The following FRS3 variants were observed in gnomAD, a reference collection of about 807,000 sequenced individuals.
FRS3 encodes the protein FGFR substrate 3.
Under a neutral mutation model 41.9 loss-of-function variants are expected in FRS3, and 17 were observed. The ratio of observed to expected loss-of-function variants is 0.41; its 90% CI spans 0.28 to 0.61. The LOEUF (loss-of-function observed/expected upper bound fraction) is 0.61. Ranked by LOEUF, FRS3 falls within the 20% of genes least tolerant of loss-of-function variation. The pLI, the probability that FRS3 is intolerant of heterozygous loss-of-function variation, is 0.36. For missense variants in FRS3, 619 were observed against 672.1 expected (o/e 0.92, Z 0.87); for synonymous variants, 287 against 274.5 (o/e 1.05, Z -0.45).
At chr6:41,776,812 T>A in intron 3 of FRS3, 110 bp downstream of exon 3, 1 of 926,702 alleles carries the variant, frequency 1.1e-6, no homozygotes, top group Non-Finnish European at 1.8e-6. Flanking sequence ...GCCCACAACC[T>A]CAGCCTGGCA....
intron 2 of FRS3, 127 bp from the exon 3 acceptor site, chr6:41,777,137 C>G: frequency 1.5e-6 from 1 of 657,980 alleles, no homozygotes; most frequent in South Asian, 1.7e-5. Flanking sequence ...TGATACAGAC[C>G]CCCCCTCAAA....
rs1196646237 is a variant in FRS3 at position 41,770,317 on chromosome 6, G to T, written c.*302C>A. The T allele has an allele frequency of 2.6e-6, 1 of 386,034 alleles. No homozygotes were observed. The highest frequency in any genetic ancestry group is 4.6e-6 in the Non-Finnish European group (1 of 215,458). 23.9% of individuals were successfully genotyped at this position (386,034 alleles called of 1,614,324 possible). ...CCAAAAAAAACACACACGGACAGTCGGCAGACAAGACAAATGGACAGAACG... is the reference window on the plus strand; with the variant it reads ...CCAAAAAAAACACACACGGACAGTCTGCAGACAAGACAAATGGACAGAACG... On this transcript the variant is annotated 3_prime_UTR_variant, in exon 7 of 7. Coordinates refer to ENST00000373018, the MANE Select transcript of FRS3 (RefSeq NM_006653.5).
Position 41,775,534 on chromosome 6 carries a change from C to G in FRS3, c.138G>C (p.Val46=). Residue 46 remains valine, a synonymous_variant, in exon 4 of 7, where the codon GTG becomes GTC. Transcript: ENST00000373018. ...CGGCCTCACGCCGATGCAGGTGCAG[C>G]ACCAGCTCACTCTGCGTCAGCTCCA... ...GVMELTQSEL[V]LHLHRREAVR... is the part of the protein sequence containing the mutation. 1.2e-6 allele frequency: 2 copies of G among 1,614,132 alleles called. No individual in the cohort carries two copies. Among genetic ancestry groups the G allele is most frequent in the East Asian group, 4.5e-5 (2 of 44,884 alleles).
chr6:41,773,697 CCT>C (rs1236724274), intron 4 of FRS3, among the ~76,000 whole-genome samples: 4 of 151,080 alleles, frequency 2.6e-5, no homozygotes, highest in Non-Finnish European at 5.9e-5. Context: ...ATGGTGAAAC[CCT>C]GTCTCTACTA....
At chr6:41,777,657 G>A (rs1003137849) in intron 2 of FRS3, 2 of 152,108 alleles carry the variant, frequency 1.3e-5, no homozygotes, top group East Asian at 3.8e-4. Context: ...ACCTCAAGTG[G>A]ATATTTCTTC....
chr6:41,771,261 A>C lies in FRS3; in HGVS notation c.837T>G (p.Cys279Trp). Residue 279 changes from cysteine to tryptophan, a missense_variant, in exon 7 of 7, where the codon TGT becomes TGG. Transcript: ENST00000373018. The stretch of plus-strand genomic sequence containing the variant: ...CGTAGGTGCACTTGGGCTGGGCTGG[A>C]CACTCAGAAGGGGCCTCATTGTTAT... ...HNNNNEAPSECPAQPKCTYEN... is the reference protein window; with the variant it reads ...HNNNNEAPSEWPAQPKCTYEN... The C allele has an allele frequency of 6.2e-7, 1 of 1,607,990 alleles. No homozygotes were observed. The highest frequency in any genetic ancestry group is 8.5e-7 in the Non-Finnish European group (1 of 1,175,956).
intron 4 of FRS3, among the ~76,000 whole-genome samples, chr6:41,774,303 C>T (rs1460507914): frequency 6.6e-6 from 1 of 152,016 alleles, no homozygotes; most frequent in Non-Finnish European, 1.5e-5. Context: ...TGCCTAACAC[C>T]CCCTGCTTCC....
intron 4 of FRS3, among the ~76,000 whole-genome samples, chr6:41,774,867 G>C (rs979312034): frequency 1.3e-5 from 2 of 152,204 alleles, no homozygotes; most frequent in Non-Finnish European, 2.9e-5. Flanking sequence ...GGAAAGACTG[G>C]AGTTGTAGAG....
intron 3 of FRS3, 111 bp from the exon 4 acceptor site, chr6:41,775,716 G>A (rs1333353955): frequency 1.3e-6 from 1 of 784,662 alleles, no homozygotes; most frequent in Non-Finnish European, 2.2e-6. Context: ...GGAACCAAAG[G>A]TCACATCCGA....
Position 41,771,907 on chromosome 6 carries a change from A to T in FRS3, c.473T>A (p.Phe158Tyr), listed in dbSNP as rs1461624408. Residue 158 changes from phenylalanine (F) to tyrosine (Y), a missense_variant, in exon 6 of 7, where the codon TTC (phenylalanine) becomes TAC (tyrosine). Around this residue, in one of 3 missense-constraint regions of FRS3, gnomAD observed 487 missense variants for 478.3 expected, o/e 1.02. Coordinates refer to ENST00000373018, the MANE Select transcript of FRS3 (RefSeq NM_006653.5). ...TGTCGAGAGCCGCCGGGGAGCTGAG[A>T]ATCGTGGGCCCTCTCCAGGGCAGCC... is the stretch of plus-strand genomic sequence containing the variant. Reference protein sequence around the residue: ...SNGCPGEGPRFSAPRRLSTSS... With the variant: ...SNGCPGEGPRYSAPRRLSTSS... 6.4e-7 allele frequency: 1 copy of T among 1,557,846 alleles called. No homozygotes were observed. Among genetic ancestry groups the T allele is most frequent in the Admixed American group, 1.9e-5 (1 of 51,696 alleles).
Position 41,771,843 on chromosome 6 carries a change from G to C in FRS3, c.537C>G (p.Thr179=), listed in dbSNP as rs1318291456. Residue 179 remains threonine (T), a synonymous_variant, in exon 6 of 7, where the codon ACC becomes ACG. Transcript: ENST00000373018. ...LRHPSLGEES[T]HALIAPDEQS... ...GCTCATCAGGAGCAATGAGGGCATGGGTGGACTCTTCCCCAAGCGAGGGGT... is the reference window on the plus strand; with the variant it reads ...GCTCATCAGGAGCAATGAGGGCATGCGTGGACTCTTCCCCAAGCGAGGGGT... 1.3e-6 allele frequency: 2 copies of C among 1,552,494 alleles called. No homozygotes were observed. Among genetic ancestry groups the C allele is most frequent in the African/African-American group, 1.4e-5 (1 of 73,170 alleles).
chr6:41,776,735 C>T (rs2127300904), intron 3 of FRS3, 187 bp downstream of exon 3: 1 of 577,532 alleles, frequency 1.7e-6, no homozygotes, highest in South Asian at 2.3e-5. Flanking sequence ...GCCATGAAAA[C>T]AGCAGTGGTC....
At chr6:41,771,998 A>C in intron 5 of FRS3, 34 bp from the exon 6 acceptor site, 3 of 1,487,466 alleles carry the variant, frequency 2.0e-6, no homozygotes, top group Non-Finnish European at 2.7e-6. Flanking sequence ...AGGAGAGGGG[A>C]ACTTAAGCCA....
intron 4 of FRS3, among the ~76,000 whole-genome samples, chr6:41,773,843 G>A (rs1248149026): frequency 6.6e-6 from 1 of 151,676 alleles, no homozygotes; most frequent in Non-Finnish European, 1.5e-5. Context: ...CTGCACTTCA[G>A]CCTGGGTGAC....
intron 5 of FRS3, among the ~76,000 whole-genome samples, chr6:41,772,505 C>CA (rs1483826320): frequency 6.6e-6 from 1 of 152,028 alleles, no homozygotes; most frequent in African/African-American, 2.4e-5. Context: ...AGGAAGAAAG[C>CA]AAAAAAACTC....
Position 41,774,679 on chromosome 6 carries a change from A to G in FRS3, c.253+740T>C, listed in dbSNP as rs150097768. Among the ~76,000 whole-genome samples the G allele has an allele frequency of 2.3e-3, 353 of 152,268 alleles. 2 individuals are homozygous for G. The highest frequency in any genetic ancestry group is 8.2e-3 in the African/African-American group (340 of 41,554). ...CTGGGCCAGCATGGACTCCTCTGTA[A>G]CAGGGGGACCTGGGACCTAGGGGAG... On this transcript the variant is annotated intron_variant, in intron 4 of 6. Coordinates refer to ENST00000373018, the MANE Select transcript of FRS3 (RefSeq NM_006653.5).
rs538712900 is a variant in FRS3, at chr6:41,776,907, G to A, written c.66+15C>T. ...GCCATGTTGGGAACACAGGAGAGGAGAGGGCTCTGGGTACCTTGAACTTGG... is the reference window on the plus strand; with the variant it reads ...GCCATGTTGGGAACACAGGAGAGGAAAGGGCTCTGGGTACCTTGAACTTGG... On this transcript the variant is annotated intron_variant, in intron 3 of 6. Transcript: ENST00000373018. 1 of 1,608,426 alleles carries A rather than the reference G, an allele frequency of 6.2e-7. No individual in the cohort carries two copies. Among genetic ancestry groups the A allele is most frequent in the African/African-American group, 1.3e-5 (1 of 74,948 alleles).
Position 41,777,264 on chromosome 6 carries a change from T to C in FRS3, c.-23-254A>G, listed in dbSNP as rs150831769. 3.3e-5 allele frequency among the ~76,000 whole-genome samples: 5 copies of C among 152,326 alleles called. No homozygotes were observed. In the East Asian group the frequency reaches 9.6e-4, roughly 29 times the overall value. On this transcript the variant is annotated intron_variant, in intron 2 of 6. Transcript: ENST00000373018. ...GGAGAGAGCTTCTCAGAGGTAACATTTGATCTGGACCTTGAGAAGTATGTA... is the reference window on the plus strand; with the variant it reads ...GGAGAGAGCTTCTCAGAGGTAACATCTGATCTGGACCTTGAGAAGTATGTA...
At chr6:41,775,327 A>G (rs909975674) in intron 4 of FRS3, 92 bp downstream of exon 4, 2 of 981,000 alleles carry the variant, frequency 2.0e-6, no homozygotes, top group Non-Finnish European at 2.9e-6. Flanking sequence ...GATGGGGATA[A>G]CACTAACCTC....
Sources: allele counts gnomAD v4.1 joint callset (sites outside exome capture counted in the v4.1 genomes callset), GRCh38; gene constraint gnomAD v4.1.1; regional missense constraint gnomAD v4.1.1; transcripts MANE v1.5; gene names NCBI Gene and HGNC (gene_info 2026-07-23, HGNC 2026-07-21).